Variants in USP38 observed in about 807,000 individuals in gnomAD.
USP38 encodes ubiquitin specific peptidase 38.
USP38 carries 49 observed loss-of-function variants against 94.3 expected under a neutral mutation model. The ratio of observed to expected loss-of-function variants is 0.52; its 90% CI spans 0.41 to 0.66. USP38 has a LOEUF of 0.66. USP38 is among the 30% of genes least tolerant of loss of function. USP38 has a pLI of 0.00. For missense variants in USP38, 1,128 were observed against 1,229.4 expected, an observed-to-expected ratio of 0.92 and a Z score of 1.23; for synonymous variants, 468 against 463.6, an observed-to-expected ratio of 1.01 and a Z score of -0.12.
chr4:143,209,536 A>G (rs369780307), intron 6 of USP38, 28 bp from the exon 7 acceptor site: 5 of 1,345,552 alleles, frequency 3.7e-6, no homozygotes, highest in African/African-American at 1.5e-5. Flanking sequence ...GTACGCACAT[A>G]TATATAAATC....
chr4:143,204,537 A>T, intron 5 of USP38: 1 of 388,832 alleles, frequency 2.6e-6, no homozygotes, highest in Non-Finnish European at 5.0e-6. Flanking sequence ...CTCCAGGTGC[A>T]CACCACCACG....
At chr4:143,210,013 A>G (rs557387184) in intron 7 of USP38, among the ~76,000 whole-genome samples, 1 of 152,284 alleles carries the variant, frequency 6.6e-6, no homozygotes, top group African/African-American at 2.4e-5. Context: ...CTGATATTAA[A>G]TTAGTAGATT....
intron 8 of USP38, 87 bp downstream of exon 8, chr4:143,212,511 AT>A: frequency 6.0e-6 from 4 of 666,112 alleles, no homozygotes; most frequent in Non-Finnish European, 9.4e-6. Flanking sequence ...CTTTAAAAAC[AT>A]ATTTCAAATA....
intron 4 of USP38, among the ~76,000 whole-genome samples, chr4:143,200,262 A>G (rs1319031398): frequency 6.6e-6 from 1 of 152,178 alleles, no homozygotes; most frequent in Non-Finnish European, 1.5e-5. Context: ...AAATCACATA[A>G]ACAGAAATAA....
chr4:143,216,680 T>C (rs1732194490), intron 9 of USP38, among the ~76,000 whole-genome samples: 1 of 152,050 alleles, frequency 6.6e-6, no homozygotes, highest in Non-Finnish European at 1.5e-5. Flanking sequence ...CTTGCTATTT[T>C]ACCCAGGCTA....
chr4:143,203,379 C>T (rs746448278), intron 4 of USP38, 29 bp from the exon 5 acceptor site: 3 of 1,592,950 alleles, frequency 1.9e-6, no homozygotes, highest in Non-Finnish European at 2.6e-6. Flanking sequence ...TGTATAAATT[C>T]AGCATTGTTT....
At chr4:143,209,503 G>A in intron 6 of USP38, 61 bp from the exon 7 acceptor site, 10 of 953,116 alleles carry the variant, frequency 1.0e-5, no homozygotes, top group Admixed American at 9.2e-5. Context: ...AAAAAAAAAA[G>A]CTTTTAATAA....
chr4:143,196,278 C>T (rs4690778), intron 3 of USP38, among the ~76,000 whole-genome samples: 81,375 of 151,978 alleles, frequency 0.54, 22,865 homozygotes, highest in East Asian at 0.82. Flanking sequence ...TGCACTCCAG[C>T]CTGGATGACA....
At chr4:143,200,188 C>T (rs1045230972) in intron 4 of USP38, among the ~76,000 whole-genome samples, 6 of 152,096 alleles carry the variant, frequency 3.9e-5, no homozygotes, top group Non-Finnish European at 8.8e-5. Context: ...CTTCAAAAAG[C>T]TAATCCATCA....
intron 2 of USP38, 107 bp from the exon 3 acceptor site, chr4:143,195,609 G>A: frequency 8.3e-7 from 1 of 1,201,250 alleles, no homozygotes; most frequent in Non-Finnish European, 1.1e-6. Flanking sequence ...AGCAAATTCA[G>A]TAAATGTTTA....
At chr4:143,199,839 A>G (rs1318195558) in intron 4 of USP38, among the ~76,000 whole-genome samples, 1 of 151,992 alleles carries the variant, frequency 6.6e-6, no homozygotes, top group African/African-American at 2.4e-5. Context: ...TTTCTCTTGT[A>G]AATTTGTTTA....
chr4:143,204,108 A>T (rs1376813828), intron 5 of USP38, among the ~76,000 whole-genome samples: 2 of 151,938 alleles, frequency 1.3e-5, no homozygotes, highest in Non-Finnish European at 2.9e-5. Context: ...CAGCCTCCTG[A>T]ATAGCTGGGA....
chr4:143,215,034 T>TAGA (rs1732147016), intron 9 of USP38, 91 bp downstream of exon 9: 1 of 1,267,230 alleles, frequency 7.9e-7, no homozygotes, highest in Non-Finnish European at 1.1e-6. Flanking sequence ...TAACATGAGT[T>TAGA]TTTATTAAAT....
At chr4:143,196,165 G>T (rs769408858) in intron 3 of USP38, among the ~76,000 whole-genome samples, 1 of 152,054 alleles carries the variant, frequency 6.6e-6, no homozygotes, top group Admixed American at 6.6e-5. Context: ...AATTAGGTTG[G>T]CATAATGGTT....
In USP38 at chr4:143,213,944, AC is replaced by A. The variant is rs761952015; in HGVS notation, c.1970del (p.Pro657GlnfsTer2). 6.2e-7 allele frequency: 1 copy of A among 1,613,608 alleles called. No homozygotes were observed. The highest frequency in any genetic ancestry group is 8.5e-7 in the Non-Finnish European group (1 of 1,179,828). On this transcript the variant is annotated frameshift_variant, in exon 9 of 10. Coordinates refer to ENST00000307017, the MANE Select transcript of USP38 (RefSeq NM_032557.6). LOFTEE classifies it high-confidence loss of function. Reference protein sequence around the residue: ...QASVPGPSEEPVVYNPTTAAF... With the variant: ...QASVPGPSEEXVVYNPTTAAF... ...CCTCTGTACCCGGTCCTTCAGAAGA[AC>A]CAGTAGTTTATAATCCAACAACAGC...
Position 143,195,820 on chromosome 4 carries a change from A to G in USP38, c.923A>G (p.Asp308Gly). ...AAVQKFTILI[D>G]VTLLKIELVF... ...GTCCAGAAGTTTACTATTTTGATAGATGTTACTTTGCTGAAAATAGAACTG... is the reference window on the plus strand; with the variant it reads ...GTCCAGAAGTTTACTATTTTGATAGGTGTTACTTTGCTGAAAATAGAACTG... The change falls in exon 3 of 10, where the codon GAT becomes GGT. Residue 308 changes from aspartate to glycine, a missense_variant. Transcript: ENST00000307017. The G allele has an allele frequency of 5.6e-6, 9 of 1,613,038 alleles. No homozygotes were observed. Among genetic ancestry groups the G allele is most frequent in the Non-Finnish European group, 7.6e-6 (9 of 1,179,576 alleles).
At chr4:143,198,760 C>T (rs1241703155) in intron 4 of USP38, among the ~76,000 whole-genome samples, 1 of 152,152 alleles carries the variant, frequency 6.6e-6, no homozygotes, top group East Asian at 1.9e-4. Flanking sequence ...TTACATTACA[C>T]ATTACCACTT....
chr4:143,211,062 G>A (rs961710054), intron 7 of USP38, among the ~76,000 whole-genome samples: 1 of 151,790 alleles, frequency 6.6e-6, no homozygotes, highest in African/African-American at 2.4e-5. Flanking sequence ...TTTATCACTA[G>A]TATGTATTTA....
chr4:143,207,123 A>T (rs1731889290), intron 6 of USP38, among the ~76,000 whole-genome samples: 1 of 152,252 alleles, frequency 6.6e-6, no homozygotes, highest in Non-Finnish European at 1.5e-5. Context: ...AGACAAAAAC[A>T]TGATTGAATT....
Sources: allele counts gnomAD v4.1 joint callset (sites outside exome capture counted in the v4.1 genomes callset), GRCh38; gene constraint gnomAD v4.1.1; transcripts MANE v1.5; gene names NCBI Gene and HGNC (gene_info 2026-07-23, HGNC 2026-07-21).